Variants in PIBF1 observed in about 807,000 individuals in gnomAD.
The protein encoded by PIBF1 is progesterone immunomodulatory binding factor 1, also known as progesterone-induced-blocking factor 1.
Under a neutral mutation model 112.5 loss-of-function variants are expected in PIBF1, and 90 were observed. That is an observed-to-expected ratio of 0.80 (90% CI 0.67 to 0.95). The LOEUF is 0.95. Ranked by LOEUF, PIBF1 falls within the 40% of genes least tolerant of loss-of-function variation. The probability of loss-of-function intolerance (pLI) is 0.00; values close to 1 mark genes in which losing one functional copy is unlikely to be tolerated. For synonymous variants in PIBF1, 301 were observed against 288.6 expected, an observed-to-expected ratio of 1.04 and a Z score of -0.44; for missense variants, 915 against 852.3, an observed-to-expected ratio of 1.07 and a Z score of -0.92.
intron 13 of PIBF1, among the ~76,000 whole-genome samples, chr13:72,926,343 TA>T (rs2041483567): frequency 6.6e-6 from 1 of 152,228 alleles, no homozygotes; most frequent in African/African-American, 2.4e-5. Flanking sequence ...AGTATGCACA[TA>T]ATGATATAAA....
chr13:72,792,514 A>G lies in PIBF1; in HGVS notation c.320A>G (p.Asp107Gly). 1 of 1,570,116 alleles carries G rather than the reference A, an allele frequency of 6.4e-7. No homozygotes were observed. Among genetic ancestry groups the G allele is most frequent in the South Asian group, 1.2e-5 (1 of 81,700 alleles). Reference protein sequence around the residue: ...HQKQLLTLRLDNQLAFQQKDA... With the variant: ...HQKQLLTLRLGNQLAFQQKDA... Reference sequence around the variant, plus strand: ...AAGCAGCTACTAACATTGAGATTAGACAACCAATTGGCTTTTCAACAGAAA... The same window carrying G: ...AAGCAGCTACTAACATTGAGATTAGGCAACCAATTGGCTTTTCAACAGAAA... Residue 107 changes from aspartate (D) to glycine (G), a missense_variant, in exon 3 of 18, where the codon GAC becomes GGC. Transcript: ENST00000326291.
At chr13:72,946,256 C>A (rs2042146900) in intron 14 of PIBF1, among the ~76,000 whole-genome samples, 1 of 152,044 alleles carries the variant, frequency 6.6e-6, no homozygotes, top group Non-Finnish European at 1.5e-5. Context: ...GGGGGAAAAG[C>A]CCCTTACAAA....
At chr13:72,927,976 T>TATACAC (rs2041557935) in intron 13 of PIBF1, among the ~76,000 whole-genome samples, 1 of 81,100 alleles carries the variant, frequency 1.2e-5, no homozygotes, top group African/African-American at 4.0e-5. Context: ...TATATATATA[T>TATACAC]ACATATATAT....
intron 5 of PIBF1, among the ~76,000 whole-genome samples, chr13:72,800,877 A>G (rs2035437718): frequency 6.6e-6 from 1 of 152,204 alleles, no homozygotes. Flanking sequence ...CAGGGAAGAG[A>G]GCATTGTCAG....
chr13:72,884,869 T>C lies in PIBF1; in HGVS notation c.1323-8915T>C, dbSNP rs536935030. On this transcript the variant is annotated intron_variant, in intron 10 of 17. Coordinates refer to ENST00000326291, the MANE Select transcript of PIBF1 (RefSeq NM_006346.4). Reference sequence around the variant, plus strand: ...TAATTATTTGGTCCATTAAGTCTAATGAGAGAAATAAGAGGTGGGGAAATA... The same window carrying C: ...TAATTATTTGGTCCATTAAGTCTAACGAGAGAAATAAGAGGTGGGGAAATA... Among the ~76,000 whole-genome samples, 30 of 152,270 alleles carry C rather than the reference T, an allele frequency of 2.0e-4. No individual in the cohort carries two copies. In the South Asian group the frequency reaches 5.6e-3, roughly 28 times the overall value.
At chr13:72,965,556 T>C in intron 15 of PIBF1, 152 bp downstream of exon 15, 1 of 604,324 alleles carries the variant, frequency 1.7e-6, no homozygotes, top group Non-Finnish European at 2.8e-6. Flanking sequence ...TTAGAAAAAC[T>C]AAGGTCACAT....
intron 2 of PIBF1, among the ~76,000 whole-genome samples, chr13:72,791,714 C>T (rs903305294): frequency 5.3e-5 from 8 of 151,864 alleles, no homozygotes; most frequent in Admixed American, 2.0e-4. Context: ...CTTACTGCAG[C>T]CTCCGCCTTC....
intron 3 of PIBF1, among the ~76,000 whole-genome samples, chr13:72,794,329 CA>C (rs141429022): frequency 0.021 from 3,269 of 152,100 alleles, 134 homozygotes; most frequent in African/African-American, 0.075. Flanking sequence ...AAGCTTGCTC[CA>C]AAGGGGTGGC....
chr13:72,916,856 T>A (rs17211014), intron 12 of PIBF1, among the ~76,000 whole-genome samples: 2,301 of 152,202 alleles, frequency 0.015, 28 homozygotes, highest in Non-Finnish European at 0.023. Flanking sequence ...TATGATGCAA[T>A]CCCTTATACA....
intron 16 of PIBF1, among the ~76,000 whole-genome samples, chr13:72,985,958 C>CTGGTCAACATAATGAGACTCCA (rs1282945198): frequency 6.6e-6 from 1 of 151,886 alleles, no homozygotes; most frequent in African/African-American, 2.4e-5. Context: ...GTGTACTAGC[C>CTGGTCAACATAATGAGACTCCA]TGGTCAACAT....
intron 15 of PIBF1, among the ~76,000 whole-genome samples, chr13:72,968,179 G>A (rs528072244): frequency 8.6e-5 from 13 of 151,928 alleles, no homozygotes; most frequent in South Asian, 2.1e-4. Context: ...GCCAGACTCC[G>A]TCTCCAAAAA....
intron 15 of PIBF1, among the ~76,000 whole-genome samples, chr13:72,968,802 G>A (rs2042816985): frequency 6.6e-6 from 1 of 152,036 alleles, no homozygotes; most frequent in African/African-American, 2.4e-5. Context: ...TGCCGAGGCA[G>A]ACAGATTGCC....
chr13:72,999,533 A>C lies in PIBF1; in HGVS notation c.2223+538A>C, dbSNP rs571995935. ...GAGAAACATGATTTTTATCTGCTAA[A>C]CATAGAGACTCAAAACCAGAAAGAT... On this transcript the variant is annotated intron_variant, in intron 17 of 17. Coordinates refer to ENST00000326291, the MANE Select transcript of PIBF1 (RefSeq NM_006346.4). Among the ~76,000 whole-genome samples the C allele has an allele frequency of 1.8e-4, 27 of 152,296 alleles. 1 individual carries two copies. The South Asian group carries it at 5.4e-3, about 30-fold the overall frequency.
In PIBF1 at chr13:72,857,900, G is replaced by A. The variant is rs184268480; in HGVS notation, c.1322+3745G>A. On this transcript the variant is annotated intron_variant, in intron 10 of 17. Transcript: ENST00000326291. ...GTTTTCCACTAAAAACCAAAAGGTT[G>A]ATAATACATTGTGTTTGCGTGGGTA... Among the ~76,000 whole-genome samples, 447 of 152,256 alleles carry A rather than the reference G, an allele frequency of 2.9e-3. 2 individuals carry two copies. The highest frequency in any genetic ancestry group is 0.01 in the African/African-American group (436 of 41,544).
chr13:72,943,696 T>C (rs2042072116), intron 14 of PIBF1, among the ~76,000 whole-genome samples: 2 of 152,216 alleles, frequency 1.3e-5, no homozygotes, highest in Admixed American at 1.3e-4. Context: ...CCCACCACTT[T>C]GTTACCTTCG....
chr13:72,949,283 C>T (rs1325708875), intron 14 of PIBF1, among the ~76,000 whole-genome samples: 1 of 144,106 alleles, frequency 6.9e-6, no homozygotes, highest in Non-Finnish European at 1.5e-5. Context: ...GTAACTACTA[C>T]CTAGACAAAT....
intron 14 of PIBF1, among the ~76,000 whole-genome samples, chr13:72,951,690 C>T (rs905260619): frequency 7.2e-5 from 11 of 152,006 alleles, no homozygotes; most frequent in Non-Finnish European, 2.9e-5. Context: ...TGGCTGGTGT[C>T]GTGCATTCTA....
chr13:72,834,931 T>C (rs1022903978), intron 8 of PIBF1, among the ~76,000 whole-genome samples: 9 of 152,280 alleles, frequency 5.9e-5, no homozygotes, highest in African/African-American at 1.4e-4. Context: ...TTTTGAAGCC[T>C]CAACCATATG....
intron 16 of PIBF1, among the ~76,000 whole-genome samples, chr13:72,996,088 G>GGT (rs2043651110): frequency 4.8e-5 from 1 of 20,942 alleles, no homozygotes; most frequent in Non-Finnish European, 9.8e-5. Flanking sequence ...AAAAAAAAGC[G>GGT]GGGGGGGGGG....
Sources: gnomAD v4.1 joint callset for allele counts (sites outside exome capture counted in the v4.1 genomes callset) on GRCh38, gnomAD v4.1.1 for gene constraint, MANE v1.5 for transcripts, NCBI Gene and HGNC (gene_info 2026-07-23, HGNC 2026-07-21) for gene names.